Variants in SYNPO2 observed in about 807,000 individuals in gnomAD.
The protein encoded by SYNPO2 is synaptopodin 2.
A neutral mutation model predicts 85.0 loss-of-function variants in SYNPO2; 56 were observed. The ratio of observed to expected loss-of-function variants is 0.66; its 90% confidence interval spans 0.53 to 0.82. SYNPO2 has a LOEUF of 0.82. Among genes scored for constraint, SYNPO2 ranks in the 40% least tolerant of loss-of-function variants. The probability of loss-of-function intolerance (pLI) is 0.00; values close to 1 mark genes in which losing one functional copy is unlikely to be tolerated. For missense variants in SYNPO2, 1,575 were observed against 1,534.2 expected (o/e 1.03, Z -0.44); for synonymous variants, 602 against 591.1 (o/e 1.02, Z -0.27).
Position 118,899,084 on chromosome 4 carries a change from C to T in SYNPO2, c.105+9943C>T, listed in dbSNP as rs182610313. Among the ~76,000 whole-genome samples the T allele has an allele frequency of 6.6e-5, 10 of 152,352 alleles. 1 individual carries two copies. Among genetic ancestry groups the T allele is most frequent in the South Asian group, 2.1e-4 (1 of 4,832 alleles). On this transcript the variant is annotated intron_variant, in intron 1 of 4. Coordinates refer to ENST00000307142, the MANE Select transcript of SYNPO2 (RefSeq NM_133477.3). ...ACACAGCTTTCACCTTGAGCTCCCACGTGCAGCCTGACGCTGAAGCTTTTG... is the reference window on the plus strand; with the variant it reads ...ACACAGCTTTCACCTTGAGCTCCCATGTGCAGCCTGACGCTGAAGCTTTTG...
intron 1 of SYNPO2, among the ~76,000 whole-genome samples, chr4:118,908,507 G>A (rs1049702055): frequency 3.9e-5 from 6 of 152,036 alleles, no homozygotes; most frequent in Admixed American, 3.3e-4. Flanking sequence ...TTTCCAGATC[G>A]TTTCAGGATA....
At chr4:119,045,425 G>A (rs953750152) in intron 4 of SYNPO2, among the ~76,000 whole-genome samples, 5 of 151,980 alleles carry the variant, frequency 3.3e-5, no homozygotes, top group Admixed American at 1.3e-4. Context: ...CTCTCTAGCC[G>A]GGGTGATAGA....
At position 119,034,659 on chromosome 4, in the gene SYNPO2, C is replaced by T. The variant is rs80304199; in HGVS notation, c.3252+2632C>T. 130 of 985,472 alleles carry T rather than the reference C, an allele frequency of 1.3e-4. No individual in the cohort carries two copies. The African/African-American group carries it at 2.2e-3, about 17-fold the overall frequency. 61.0% of individuals were successfully genotyped at this position (985,472 alleles called of 1,614,324 possible). A position where few individuals can be genotyped will look rare whatever the true frequency, so the allele number is the denominator to read the frequency against. On this transcript the variant is annotated intron_variant, in intron 4 of 4. Transcript: ENST00000307142. ...TGGAAGTTCTCCAAAACAATATCCA[C>T]AACAAAGTCTGACCTCACTCTGAGG...
At chr4:118,940,845 C>A (rs1734287107) in intron 1 of SYNPO2, among the ~76,000 whole-genome samples, 1 of 152,150 alleles carries the variant, frequency 6.6e-6, no homozygotes, top group Admixed American at 6.5e-5. Context: ...CTCCTGTCAC[C>A]CCCATCTCGC....
At chr4:118,897,956 T>A (rs1438245837) in intron 1 of SYNPO2, among the ~76,000 whole-genome samples, 1 of 152,240 alleles carries the variant, frequency 6.6e-6, no homozygotes, top group Non-Finnish European at 1.5e-5. Flanking sequence ...TTACTTAATG[T>A]CAAATCATTT....
At chr4:119,028,803 T>C (rs947724107) in intron 3 of SYNPO2, among the ~76,000 whole-genome samples, 2 of 152,022 alleles carry the variant, frequency 1.3e-5, no homozygotes, top group Non-Finnish European at 2.9e-5. Context: ...TTAACTGTTT[T>C]GAGGAATTAA....
intron 1 of SYNPO2, among the ~76,000 whole-genome samples, chr4:118,951,588 T>C (rs763598448): frequency 1.2e-4 from 18 of 152,208 alleles, no homozygotes; most frequent in Non-Finnish European, 2.2e-4. Context: ...TGAAGAGTTT[T>C]GTTATTGTTG....
intron 1 of SYNPO2, among the ~76,000 whole-genome samples, chr4:118,993,435 A>G (rs1736480096): frequency 6.6e-6 from 1 of 152,224 alleles, no homozygotes; most frequent in Non-Finnish European, 1.5e-5. Context: ...AGTTTGGTTT[A>G]AAAGTCAATG....
At chr4:118,972,525 T>C (rs537730891) in intron 1 of SYNPO2, among the ~76,000 whole-genome samples, 1 of 152,230 alleles carries the variant, frequency 6.6e-6, no homozygotes, top group East Asian at 1.9e-4. Context: ...ATAAAACACT[T>C]TTTATGTATT....
chr4:119,037,096 G>A, intron 4 of SYNPO2: 1 of 1,532,220 alleles, frequency 6.5e-7, no homozygotes, highest in Non-Finnish European at 8.8e-7. Context: ...TCTAAATTAT[G>A]TGTGCTCTGT....
At chr4:118,877,379 G>A (rs906912866) in intron 1 of SYNPO2, among the ~76,000 whole-genome samples, 2 of 152,086 alleles carry the variant, frequency 1.3e-5, no homozygotes, top group Non-Finnish European at 1.5e-5. Context: ...ATAAACTAAA[G>A]AGCTTTTGCA....
intron 1 of SYNPO2, among the ~76,000 whole-genome samples, chr4:119,001,537 T>G (rs1430128124): frequency 1.3e-5 from 2 of 152,198 alleles, no homozygotes; most frequent in Non-Finnish European, 2.9e-5. Flanking sequence ...GTCCAGAGTT[T>G]AAGTTTAAAT....
At chr4:119,029,464 T>C (rs987783570) in intron 3 of SYNPO2, among the ~76,000 whole-genome samples, 5 of 152,186 alleles carry the variant, frequency 3.3e-5, no homozygotes, top group African/African-American at 4.8e-5. Context: ...GAGATATGTC[T>C]CATCTTGTTT....
intron 4 of SYNPO2, among the ~76,000 whole-genome samples, chr4:119,040,953 G>A (rs901683764): frequency 6.6e-6 from 1 of 152,208 alleles, no homozygotes; most frequent in Admixed American, 6.5e-5. Flanking sequence ...TCCAAAAACA[G>A]AAAGAGTGAA....
chr4:118,920,878 T>A (rs1260465787), intron 1 of SYNPO2, among the ~76,000 whole-genome samples: 1 of 151,626 alleles, frequency 6.6e-6, no homozygotes, highest in Non-Finnish European at 1.5e-5. Flanking sequence ...AAGATCCACC[T>A]GATTTCTTTT....
At chr4:119,004,594 T>A (rs1736953843) in intron 1 of SYNPO2, among the ~76,000 whole-genome samples, 1 of 147,496 alleles carries the variant, frequency 6.8e-6, no homozygotes, top group South Asian at 2.4e-4. Context: ...CCATGGGGTA[T>A]ATGTGCCACA....
chr4:118,878,131 C>T (rs187363058), intron 1 of SYNPO2, among the ~76,000 whole-genome samples: 119 of 152,138 alleles, frequency 7.8e-4, no homozygotes, highest in African/African-American at 2.8e-3. Context: ...CGCATGTTCT[C>T]GTTTATAAGT....
intron 1 of SYNPO2, among the ~76,000 whole-genome samples, chr4:118,937,204 C>T (rs1435116713): frequency 3.9e-5 from 6 of 152,164 alleles, no homozygotes; most frequent in African/African-American, 7.2e-5. Context: ...TGCAAGGCCC[C>T]GCCTACATGT....
intron 1 of SYNPO2, among the ~76,000 whole-genome samples, chr4:118,944,340 C>A (rs1190895494): frequency 6.6e-6 from 1 of 152,244 alleles, no homozygotes; most frequent in Non-Finnish European, 1.5e-5. Context: ...TTGGGAAACT[C>A]TTTAGTCCTG....
Sources: allele counts gnomAD v4.1 joint callset (sites outside exome capture counted in the v4.1 genomes callset), GRCh38; gene constraint gnomAD v4.1.1; transcripts MANE v1.5; gene names NCBI Gene and HGNC (gene_info 2026-07-23, HGNC 2026-07-21).